The following FSTL5 variants were observed in gnomAD, a reference collection of about 807,000 sequenced individuals.
FSTL5 encodes follistatin-related protein 5.
FSTL5 carries 62 observed loss-of-function variants against 89.1 expected under a neutral mutation model. The observed-to-expected ratio is 0.70, with a 90% CI of 0.57 to 0.86. The LOEUF (loss-of-function observed/expected upper bound fraction) is 0.86, where lower values mean the gene tolerates loss of function less well. Ranked by LOEUF, FSTL5 falls within the 40% of genes least tolerant of loss-of-function variation. FSTL5 has a pLI of 0.00. For missense variants in FSTL5, 1,057 were observed against 1,001.6 expected, an observed-to-expected ratio of 1.06 and a Z score of -0.75; for synonymous variants, 383 against 346.2, an observed-to-expected ratio of 1.11 and a Z score of -1.18.
At chr4:162,050,742 G>A (rs914267452) in intron 2 of FSTL5, among the ~76,000 whole-genome samples, 1 of 151,302 alleles carries the variant, frequency 6.6e-6, no homozygotes, top group Non-Finnish European at 1.5e-5. Context: ...AGACATGTTT[G>A]GGGTTGGGGG....
chr4:161,544,256 TTGAG>T (rs534880540), intron 8 of FSTL5, among the ~76,000 whole-genome samples: 129 of 148,086 alleles, frequency 8.7e-4, no homozygotes, highest in African/African-American at 3.0e-3. Context: ...ATGTTGTTGA[TTGAG>T]TATGTGGAGA....
chr4:161,527,159 TC>T (rs1220276898), intron 10 of FSTL5, among the ~76,000 whole-genome samples: 6 of 152,192 alleles, frequency 3.9e-5, no homozygotes, highest in African/African-American at 1.4e-4. Flanking sequence ...GTCCTTCACG[TC>T]CCTTGTAAGT....
intron 1 of FSTL5, among the ~76,000 whole-genome samples, chr4:162,127,091 A>G (rs1456036109): frequency 6.6e-6 from 1 of 152,094 alleles, no homozygotes; most frequent in Non-Finnish European, 1.5e-5. Context: ...ATACTGTCCT[A>G]GTCCCTGGAT....
intron 7 of FSTL5, among the ~76,000 whole-genome samples, chr4:161,595,729 G>T (rs1287274164): frequency 2.6e-5 from 4 of 151,864 alleles, no homozygotes; most frequent in Non-Finnish European, 5.9e-5. Context: ...GTACATAACA[G>T]CTGAATTTCT....
chr4:161,956,331 G>A (rs188449393), intron 3 of FSTL5, among the ~76,000 whole-genome samples: 1 of 151,722 alleles, frequency 6.6e-6, no homozygotes, highest in East Asian at 1.9e-4. Flanking sequence ...ATACAAATAA[G>A]TTACAGAAAA....
chr4:162,116,910 C>T (rs1185393473), intron 1 of FSTL5, among the ~76,000 whole-genome samples: 2 of 152,174 alleles, frequency 1.3e-5, no homozygotes, highest in Non-Finnish European at 2.9e-5. Context: ...TGACATTACC[C>T]AGGCTTTCTG....
intron 4 of FSTL5, among the ~76,000 whole-genome samples, chr4:161,833,339 G>A (rs1196068216): frequency 6.6e-6 from 1 of 151,598 alleles, no homozygotes; most frequent in African/African-American, 2.4e-5. Flanking sequence ...GTGTGGTGCT[G>A]AAAAAAATGT....
At chr4:162,157,605 AC>A (rs1251735325) in intron 1 of FSTL5, among the ~76,000 whole-genome samples, 1 of 152,136 alleles carries the variant, frequency 6.6e-6, no homozygotes, top group Non-Finnish European at 1.5e-5. Context: ...TTTATGCCAG[AC>A]TTCTTGTCAA....
rs116828921 is a variant in FSTL5, at chr4:161,861,143, C to T, written c.409+59261G>A. 8.3e-3 allele frequency among the ~76,000 whole-genome samples: 1,260 copies of T among 152,204 alleles called. 18 individuals are homozygous for T. Among genetic ancestry groups the T allele is most frequent in the African/African-American group, 0.029 (1,187 of 41,532 alleles). ...TTCTTGTCATAAATCCTAAATGCAG[C>T]CAGGCATGATGGCTCACGTCTGTAA... On this transcript the variant is annotated intron_variant, in intron 4 of 15. Transcript: ENST00000306100.
At chr4:161,635,048 TC>T (rs1047059235) in intron 7 of FSTL5, among the ~76,000 whole-genome samples, 5 of 151,620 alleles carry the variant, frequency 3.3e-5, no homozygotes, top group African/African-American at 1.2e-4. Flanking sequence ...TGAAAAAAAA[TC>T]TTGTAATTGA....
intron 4 of FSTL5, among the ~76,000 whole-genome samples, chr4:161,907,788 T>C (rs1368376212): frequency 6.6e-6 from 1 of 152,036 alleles, no homozygotes; most frequent in African/African-American, 2.4e-5. Context: ...CTGCAGGAGG[T>C]TAGCGTGCAT....
chr4:161,958,788 G>A (rs551209319), intron 3 of FSTL5, among the ~76,000 whole-genome samples: 50 of 152,232 alleles, frequency 3.3e-4, no homozygotes, highest in Admixed American at 7.2e-4. Context: ...TCCTGCAGAG[G>A]AAAAGATTGC....
At chr4:161,926,548 T>C (rs1231005967) in intron 3 of FSTL5, among the ~76,000 whole-genome samples, 1 of 151,756 alleles carries the variant, frequency 6.6e-6, no homozygotes, top group African/African-American at 2.4e-5. Flanking sequence ...TAATTTTTGA[T>C]GTGTCATTTC....
intron 4 of FSTL5, among the ~76,000 whole-genome samples, chr4:161,818,207 A>G (rs1730387081): frequency 6.6e-6 from 1 of 152,154 alleles, no homozygotes; most frequent in Non-Finnish European, 1.5e-5. Context: ...AGCAGTAGAT[A>G]CGGAGTTTGG....
intron 4 of FSTL5, among the ~76,000 whole-genome samples, chr4:161,799,747 A>G (rs953218186): frequency 6.6e-6 from 1 of 151,682 alleles, no homozygotes; most frequent in Non-Finnish European, 1.5e-5. Flanking sequence ...AAGGGGTAAA[A>G]ACTATGACAA....
chr4:161,686,975 G>A (rs1403620233), intron 6 of FSTL5, among the ~76,000 whole-genome samples: 1 of 151,990 alleles, frequency 6.6e-6, no homozygotes, highest in Admixed American at 6.6e-5. Flanking sequence ...TCTGGCTCCT[G>A]CCGACATTGC....
rs189113883 is a variant in FSTL5, at chr4:161,421,915, T to C, written c.1841+33089A>G. Among the ~76,000 whole-genome samples the C allele has an allele frequency of 3.9e-3, 601 of 152,294 alleles. 4 individuals are homozygous for C. The highest frequency in any genetic ancestry group is 6.6e-3 in the Non-Finnish European group (450 of 68,024). On this transcript the variant is annotated intron_variant, in intron 15 of 15. Transcript: ENST00000306100. ...CTTCAAACTATACCACCAACTTCTC[T>C]CAGTCTCCAGCTTGCAGACAGCAGA...
chr4:161,693,805 C>T (rs1738038483), intron 6 of FSTL5, among the ~76,000 whole-genome samples: 1 of 151,126 alleles, frequency 6.6e-6, no homozygotes, highest in Admixed American at 6.6e-5. Flanking sequence ...CGCCCGGCTA[C>T]TTTTTTGTAT....
intron 7 of FSTL5, among the ~76,000 whole-genome samples, chr4:161,637,493 G>T (rs997554284): frequency 3.3e-5 from 5 of 151,900 alleles, no homozygotes; most frequent in Admixed American, 6.6e-5. Context: ...CAATTTTGTC[G>T]TTTGTTGCCA....
Sources: gnomAD v4.1 joint callset for allele counts (sites outside exome capture counted in the v4.1 genomes callset) on GRCh38, gnomAD v4.1.1 for gene constraint, MANE v1.5 for transcripts, NCBI Gene and HGNC (gene_info 2026-07-23, HGNC 2026-07-21) for gene names.